ADGRL3: variants seen among roughly 807,000 people sequenced by gnomAD.
The protein encoded by ADGRL3 is calcium-independent alpha-latrotoxin receptor 3.
In ADGRL3, 62 loss-of-function variants were observed where a neutral mutation model predicts 153.5. The ratio of observed to expected loss-of-function variants is 0.40; its 90% CI spans 0.33 to 0.50. The LOEUF is 0.50. Ranked by LOEUF, ADGRL3 falls within the 20% of genes least tolerant of loss-of-function variation. ADGRL3 has a pLI of 0.47. For missense variants in ADGRL3, 1,641 were observed against 1,859.4 expected, an observed-to-expected ratio of 0.88 and a Z score of 2.16; for synonymous variants, 710 against 672.5, an observed-to-expected ratio of 1.06 and a Z score of -0.86.
At chr4:61,470,696 G>A (rs1213143165) in intron 2 of ADGRL3, among the ~76,000 whole-genome samples, 1 of 151,808 alleles carries the variant, frequency 6.6e-6, no homozygotes, top group African/African-American at 2.4e-5. Flanking sequence ...GCAAGGTTCT[G>A]TGCTATGGTA....
chr4:61,819,323 A>G (rs1048339080), intron 9 of ADGRL3, among the ~76,000 whole-genome samples: 2 of 152,148 alleles, frequency 1.3e-5, no homozygotes, highest in African/African-American at 2.4e-5. Flanking sequence ...TTGTGAGATT[A>G]TATAGCAATA....
intron 1 of ADGRL3, among the ~76,000 whole-genome samples, chr4:61,209,858 A>G (rs944611105): frequency 1.3e-5 from 2 of 152,220 alleles, no homozygotes; most frequent in African/African-American, 2.4e-5. Context: ...CTTTAACTGC[A>G]TCAGAATTTT....
chr4:61,871,650 G>T (rs2098446293), intron 9 of ADGRL3, among the ~76,000 whole-genome samples: 1 of 152,100 alleles, frequency 6.6e-6, no homozygotes. Flanking sequence ...TATTGAGCAA[G>T]GGCTTTCTTT....
At chr4:62,010,592 CT>C (rs941153386) in intron 21 of ADGRL3, among the ~76,000 whole-genome samples, 45 of 152,092 alleles carry the variant, frequency 3.0e-4, no homozygotes, top group African/African-American at 1.1e-3. Flanking sequence ...GATTATCCTT[CT>C]ATATTTTTAA....
chr4:61,463,628 G>A (rs1296108420), intron 2 of ADGRL3, among the ~76,000 whole-genome samples: 4 of 152,120 alleles, frequency 2.6e-5, no homozygotes, highest in Admixed American at 1.3e-4. Context: ...CATGCTAAAT[G>A]TGGCAATCCT....
At chr4:61,939,475 C>CTT (rs1466839990) in intron 15 of ADGRL3, among the ~76,000 whole-genome samples, 5 of 136,126 alleles carry the variant, frequency 3.7e-5, no homozygotes, top group African/African-American at 8.2e-5. Flanking sequence ...TTTTTTTTTT[C>CTT]TTTTTTTTTT....
intron 1 of ADGRL3, among the ~76,000 whole-genome samples, chr4:61,278,390 C>T (rs1031731125): frequency 3.9e-5 from 6 of 152,200 alleles, no homozygotes; most frequent in South Asian, 2.1e-4. Flanking sequence ...TTTTAGAAAA[C>T]GACTAAAACG....
At chr4:61,355,981 G>A (rs971752186) in intron 1 of ADGRL3, among the ~76,000 whole-genome samples, 2 of 151,972 alleles carry the variant, frequency 1.3e-5, no homozygotes, top group African/African-American at 4.8e-5. Context: ...AATTTATAAT[G>A]TATTTGATCC....
At chr4:61,736,325 C>A (rs1217285199) in intron 8 of ADGRL3, among the ~76,000 whole-genome samples, 12 of 152,128 alleles carry the variant, frequency 7.9e-5, no homozygotes, top group Admixed American at 7.9e-4. Flanking sequence ...TGGTCCATCT[C>A]ACCCTCACGT....
intron 9 of ADGRL3, among the ~76,000 whole-genome samples, chr4:61,891,464 CA>C (rs2098585173): frequency 6.6e-6 from 1 of 152,072 alleles, no homozygotes; most frequent in Non-Finnish European, 1.5e-5. Context: ...AGCATCACTT[CA>C]AAAAATACTA....
chr4:61,466,331 A>G (rs1348206435), intron 2 of ADGRL3, among the ~76,000 whole-genome samples: 1 of 152,176 alleles, frequency 6.6e-6, no homozygotes, highest in African/African-American at 2.4e-5. Context: ...CAAAATGTAT[A>G]TTAACTCAGC....
intron 8 of ADGRL3, among the ~76,000 whole-genome samples, chr4:61,747,432 G>C (rs1327816198): frequency 4.0e-5 from 6 of 151,466 alleles, no homozygotes; most frequent in African/African-American, 1.5e-4. Context: ...CAATATCTTT[G>C]ATGAACATTG....
At chr4:62,020,066 G>A (rs951918058) in intron 21 of ADGRL3, among the ~76,000 whole-genome samples, 1 of 152,056 alleles carries the variant, frequency 6.6e-6, no homozygotes, top group African/African-American at 2.4e-5. Context: ...TTTAAATACT[G>A]AGTTGTGCTT....
chr4:61,659,161 A>C (rs1353883847), intron 5 of ADGRL3, among the ~76,000 whole-genome samples: 1 of 152,134 alleles, frequency 6.6e-6, no homozygotes, highest in South Asian at 2.1e-4. Context: ...TCTTATAAGG[A>C]CACTGGTAAA....
chr4:61,720,262 G>C (rs1481314033), intron 6 of ADGRL3, among the ~76,000 whole-genome samples: 1 of 151,574 alleles, frequency 6.6e-6, no homozygotes, highest in African/African-American at 2.4e-5. Flanking sequence ...GTTAATTTTT[G>C]TATTTTTAGT....
chr4:61,887,711 G>A (rs1218808085), intron 9 of ADGRL3, among the ~76,000 whole-genome samples: 2 of 152,120 alleles, frequency 1.3e-5, no homozygotes, highest in African/African-American at 4.8e-5. Flanking sequence ...TGGGCATGGT[G>A]GCACACACCT....
At chr4:61,286,131 C>T (rs540704245) in intron 1 of ADGRL3, among the ~76,000 whole-genome samples, 1 of 150,876 alleles carries the variant, frequency 6.6e-6, no homozygotes, top group African/African-American at 2.4e-5. Flanking sequence ...AAAATTAATC[C>T]TTTTTGTGGT....
chr4:61,922,953 T>C (rs562102176), intron 13 of ADGRL3, among the ~76,000 whole-genome samples: 83 of 152,336 alleles, frequency 5.4e-4, no homozygotes, highest in African/African-American at 1.9e-3. Context: ...ATATGACCTT[T>C]TGATTACTTC....
At chr4:61,269,502 A>G (rs1240830348) in intron 1 of ADGRL3, among the ~76,000 whole-genome samples, 1 of 151,614 alleles carries the variant, frequency 6.6e-6, no homozygotes, top group Non-Finnish European at 1.5e-5. Flanking sequence ...CACCTTTGCC[A>G]AGTTTTTAAT....
Sources: allele counts gnomAD v4.1 joint callset (sites outside exome capture counted in the v4.1 genomes callset), GRCh38; gene constraint gnomAD v4.1.1; transcripts MANE v1.5; gene names NCBI Gene and HGNC (gene_info 2026-07-23, HGNC 2026-07-21).